The following WFS1 variants were observed in gnomAD, a reference collection of about 807,000 sequenced individuals.
The protein encoded by WFS1 is wolframin ER transmembrane glycoprotein.
A neutral mutation model predicts 68.5 loss-of-function variants in WFS1; 90 were observed. That is an observed-to-expected ratio of 1.31 (90% CI 1.11 to 1.56). WFS1 has a LOEUF of 1.56. Ranked by LOEUF, WFS1 falls within the 40% of genes most tolerant of loss-of-function variation. WFS1 has a pLI of 0.00. For missense variants in WFS1, 1,767 were observed against 1,232.6 expected (o/e 1.43, Z -6.49); for synonymous variants, 860 against 540.7 (o/e 1.59, Z -8.19).
In WFS1 at chr4:6,300,991, G is replaced by A; in HGVS notation, c.1196G>A (p.Trp399Ter). 1.2e-6 allele frequency: 2 copies of A among 1,613,976 alleles called. No individual in the cohort carries two copies. Among genetic ancestry groups the A allele is most frequent in the Non-Finnish European group, 8.5e-7 (1 of 1,180,008 alleles). Residue 399 changes from tryptophan (W) to a stop codon, truncating the protein, a stop_gained, in exon 8 of 8, where the codon TGG becomes TAG. Coordinates refer to ENST00000226760, the MANE Select transcript of WFS1 (RefSeq NM_006005.3). LOFTEE classifies it high-confidence loss of function. ...DVEQAEVNFGWNHLEPYAHFL... is the reference protein window; with the variant it reads ...DVEQAEVNFG ...GAGCAGGCCGAGGTCAACTTCGGCT[G>A]GAACCACCTGGAGCCCTATGCCCAT... is the stretch of plus-strand genomic sequence containing the variant.
Position 6,301,933 on chromosome 4 carries a change from A to T in WFS1, c.2138A>T (p.Asp713Val). ...RFKYVRVTDIDNSAESAINML... is the reference protein window; with the variant it reads ...RFKYVRVTDIVNSAESAINML... ...AAGTACGTCCGCGTGACTGACATCGACAACAGCGCCGAGTCTGCCATCAAC... is the reference window on the plus strand; with the variant it reads ...AAGTACGTCCGCGTGACTGACATCGTCAACAGCGCCGAGTCTGCCATCAAC... Residue 713 changes from aspartate (D) to valine (V), a missense_variant, in exon 8 of 8, where the codon GAC becomes GTC. Asp to Val is a radical substitution (Grantham distance 152). Coordinates refer to ENST00000226760, the MANE Select transcript of WFS1 (RefSeq NM_006005.3). 6.2e-7 allele frequency: 1 copy of T among 1,612,902 alleles called. No individual in the cohort carries two copies. Among genetic ancestry groups the T allele is most frequent in the Non-Finnish European group, 8.5e-7 (1 of 1,179,934 alleles).
At chr4:6,273,567 GC>G (rs35489470) in intron 1 of WFS1, among the ~76,000 whole-genome samples, 90,890 of 151,926 alleles carry the variant, frequency 0.6, 27,847 homozygotes, top group East Asian at 0.93. Flanking sequence ...GCTGCCTCAG[GC>G]TTCTGCCCAC....
chr4:6,302,116 A>C lies in WFS1; in HGVS notation c.2321A>C (p.Lys774Thr), dbSNP rs201127866. ...PCHIKKFDRY[K>T]FEITVGMPFS... ...CACATCAAGAAGTTCGACCGCTACA[A>C]GTTTGAGATTACCGTGGGCATGCCA... Residue 774 changes from lysine to threonine, a missense_variant, in exon 8 of 8, where the codon AAG becomes ACG. Physicochemically the swap from Lys to Thr is moderately conservative, Grantham distance 78. Transcript: ENST00000226760. 1.9e-6 allele frequency: 3 copies of C among 1,612,792 alleles called. No homozygotes were observed. Among genetic ancestry groups the C allele is most frequent in the East Asian group, 2.2e-5 (1 of 44,892 alleles).
chr4:6,277,802 G>C, intron 2 of WFS1, 115 bp downstream of exon 2: 1 of 1,208,218 alleles, frequency 8.3e-7, no homozygotes. Flanking sequence ...GTTCAGCATT[G>C]TGCAGCTCCC....
In WFS1 at chr4:6,286,624, G is replaced by T. The variant is rs55757415; in HGVS notation, c.233-469G>T. Among the ~76,000 whole-genome samples, 500 of 152,352 alleles carry T rather than the reference G, an allele frequency of 3.3e-3. 1 individual carries two copies. Among genetic ancestry groups the T allele is most frequent in the Non-Finnish European group, 5.6e-3 (383 of 68,036 alleles). Reference sequence around the variant, plus strand: ...CTGATTATAATATCCAAAAAATGTGGTTTTTGTTGGTACAATCATGGAAAA... The same window carrying T: ...CTGATTATAATATCCAAAAAATGTGTTTTTTGTTGGTACAATCATGGAAAA... On this transcript the variant is annotated intron_variant, in intron 2 of 7. Coordinates refer to ENST00000226760, the MANE Select transcript of WFS1 (RefSeq NM_006005.3).
At position 6,300,746 on chromosome 4, in the gene WFS1, C is replaced by A. The variant is rs751224260; in HGVS notation, c.951C>A (p.Thr317=). 1 of 1,614,070 alleles carries A rather than the reference C, an allele frequency of 6.2e-7. No homozygotes were observed. The highest frequency in any genetic ancestry group is 2.2e-5 in the East Asian group (1 of 44,876). The change falls in exon 8 of 8, where the codon ACC becomes ACA. Residue 317 remains threonine (T), a synonymous_variant. Transcript: ENST00000226760. ...GGGCAGGCATGCACTGGCTGTCCACCATCATCCCCACGCACCACATCAACG... is the reference window on the plus strand; with the variant it reads ...GGGCAGGCATGCACTGGCTGTCCACAATCATCCCCACGCACCACATCAACG... ...ASRAGMHWLS[T]IIPTHHINAL...
intron 4 of WFS1, among the ~76,000 whole-genome samples, chr4:6,290,472 G>T (rs1278336514): frequency 6.7e-6 from 1 of 150,066 alleles, no homozygotes; most frequent in Non-Finnish European, 1.5e-5. Context: ...AAGGGAGGAG[G>T]CCGGTTGGCC....
chr4:6,301,419 G>T lies in WFS1; in HGVS notation c.1624G>T (p.Glu542Ter). The T allele has an allele frequency of 6.2e-7, 1 of 1,612,476 alleles. No individual in the cohort carries two copies. The highest frequency in any genetic ancestry group is 1.6e-4 in the Middle Eastern group (1 of 6,062). Residue 542 changes from glutamate (E) to a stop codon, truncating the protein, a stop_gained, in exon 8 of 8, where the codon GAG becomes TAG. Transcript: ENST00000226760. LOFTEE classifies it high-confidence loss of function. ...VPYLVCFMWC[E>*]LSVVILLEST... ...CTACCTGGTGTGCTTCATGTGGTGT[G>T]AGCTCTCCGTGGTCATCCTGCTGGA...
chr4:6,270,570 G>T (rs1729805291), intron 1 of WFS1, among the ~76,000 whole-genome samples: 1 of 152,186 alleles, frequency 6.6e-6, no homozygotes, highest in Non-Finnish European at 1.5e-5. Context: ...CGCTGTGGCA[G>T]TTCCTCTCTC....
intron 1 of WFS1, among the ~76,000 whole-genome samples, chr4:6,273,210 C>T (rs540153415): frequency 1.3e-5 from 2 of 152,358 alleles, no homozygotes; most frequent in East Asian, 3.9e-4. Flanking sequence ...CATTCTGCTG[C>T]GGGTCTGAGT....
intron 1 of WFS1, among the ~76,000 whole-genome samples, chr4:6,270,333 G>T (rs1729764605): frequency 6.6e-6 from 1 of 151,328 alleles, no homozygotes; most frequent in South Asian, 2.1e-4. Flanking sequence ...CGGCGGGCAG[G>T]CCCCCTCCCC....
intron 1 of WFS1, among the ~76,000 whole-genome samples, chr4:6,272,980 G>A (rs1729881526): frequency 6.6e-6 from 1 of 152,256 alleles, no homozygotes; most frequent in African/African-American, 2.4e-5. Context: ...CCATATGATG[G>A]ACATTGTGTG....
At position 6,277,667 on chromosome 4, in the gene WFS1, G is replaced by A. The variant is rs537004839; in HGVS notation, c.212G>A (p.Arg71Gln). 4.5e-6 allele frequency: 7 copies of A among 1,563,048 alleles called. No homozygotes were observed. Among genetic ancestry groups the A allele is most frequent in the East Asian group, 2.4e-5 (1 of 41,986 alleles). ...CCCCAGGCCCAGCATACCAGGAGCC[G>A]GGAAAGAGCAGACGGCACCGGTAAG... ...AEPQAQHTRS[R>Q]ERADGTGPTK... The change falls in exon 2 of 8, where the codon CGG becomes CAG. Residue 71 changes from arginine to glutamine, a missense_variant. Arg to Gln is a conservative substitution (Grantham distance 43). Coordinates refer to ENST00000226760, the MANE Select transcript of WFS1 (RefSeq NM_006005.3).
rs373643818 is a variant in WFS1, at chr4:6,302,823, CTCTTTCTT to C, written c.*361_*368del. On this transcript the variant is annotated 3_prime_UTR_variant, in exon 8 of 8. Transcript: ENST00000226760. ...CCCCCACCTTCAAGCACCCTGTTCC[CTCTTTCTT>C]TCTTTTGTGTTGGATTTGTTTAAAA... 1 of 375,208 alleles carries C rather than the reference CTCTTTCTT, an allele frequency of 2.7e-6. No individual in the cohort carries two copies. The highest frequency in any genetic ancestry group is 3.8e-5 in the South Asian group (1 of 26,628). 23.2% of individuals were successfully genotyped at this position (375,208 alleles called of 1,614,324 possible).
At chr4:6,274,636 T>G (rs1181597016) in intron 1 of WFS1, among the ~76,000 whole-genome samples, 2 of 151,972 alleles carry the variant, frequency 1.3e-5, no homozygotes. Context: ...GCTTGGAAGC[T>G]CCCACAAAGG....
chr4:6,299,798 TGTTTGAA>T (rs1730797108), intron 7 of WFS1, among the ~76,000 whole-genome samples: 1 of 113,152 alleles, frequency 8.8e-6, no homozygotes, highest in South Asian at 3.3e-4. Context: ...AGGGGTGGGT[TGTTTGAA>T]TGCGGGTAGG....
intron 6 of WFS1, among the ~76,000 whole-genome samples, chr4:6,294,517 A>C (rs551358830): frequency 1.3e-5 from 2 of 152,092 alleles, no homozygotes; most frequent in African/African-American, 4.8e-5. Flanking sequence ...ATCATGTTGG[A>C]TGGAGCGGTT....
Position 6,302,173 on chromosome 4 carries a change from G to A in WFS1, c.2378G>A (p.Arg793His), listed in dbSNP as rs763340690. ...FSSGADGSRSREEDDVTKDIV... is the reference protein window; with the variant it reads ...FSSGADGSRSHEEDDVTKDIV... ...AGCGGCGCTGACGGCTCGCGCAGCC[G>A]CGAGGAGGACGACGTCACCAAGGAC... Residue 793 changes from arginine (R) to histidine (H), a missense_variant, in exon 8 of 8, where the codon CGC (arginine) becomes CAC (histidine). Coordinates refer to ENST00000226760, the MANE Select transcript of WFS1 (RefSeq NM_006005.3). 2.7e-5 allele frequency: 43 copies of A among 1,612,532 alleles called. No homozygotes were observed. The highest frequency in any genetic ancestry group is 3.3e-5 in the Non-Finnish European group (39 of 1,179,958).
chr4:6,289,386 TTCCCTGCTGGG>T (rs1041657658), intron 4 of WFS1, among the ~76,000 whole-genome samples: 2 of 152,250 alleles, frequency 1.3e-5, no homozygotes, highest in Admixed American at 1.3e-4. Flanking sequence ...TACATCCTGC[TTCCCTGCTGGG>T]TTCTGATCCA....
Sources: allele counts gnomAD v4.1 joint callset (sites outside exome capture counted in the v4.1 genomes callset), GRCh38; gene constraint gnomAD v4.1.1; transcripts MANE v1.5; gene names NCBI Gene and HGNC (gene_info 2026-07-23, HGNC 2026-07-21).